The following NAALADL2 variants were observed in gnomAD, a reference collection of about 807,000 sequenced individuals.
The protein encoded by NAALADL2 is inactive N-acetylated-alpha-linked acidic dipeptidase-like protein 2.
NAALADL2 carries 76 observed loss-of-function variants against 87.2 expected under a neutral mutation model. The observed-to-expected ratio is 0.87, with a 90% CI of 0.72 to 1.05. The LOEUF is 1.05. Ranked by LOEUF, NAALADL2 falls within the 50% of genes least tolerant of loss-of-function variation. The pLI is 0.00. For synonymous variants in NAALADL2, 354 were observed against 331.0 expected (o/e 1.07, Z -0.75); for missense variants, 1,089 against 945.8 (o/e 1.15, Z -1.99).
intron 9 of NAALADL2, among the ~76,000 whole-genome samples, chr3:175,531,767 C>G (rs1734112898): frequency 6.6e-6 from 1 of 152,298 alleles, no homozygotes; most frequent in East Asian, 1.9e-4. Context: ...ACATCTGGTA[C>G]AACAGCTGCA....
chr3:175,449,394 C>CTTCTTTTTTTTTTT (rs1212551637), intron 6 of NAALADL2, among the ~76,000 whole-genome samples: 16 of 48,564 alleles, frequency 3.3e-4, no homozygotes, highest in East Asian at 1.7e-3. Context: ...TAATTTTCTT[C>CTTCTTTTTTTTTTT]TTTTTTTTTT....
At chr3:175,657,875 C>G (rs1274620417) in intron 11 of NAALADL2, among the ~76,000 whole-genome samples, 1 of 151,966 alleles carries the variant, frequency 6.6e-6, no homozygotes, top group Non-Finnish European at 1.5e-5. Flanking sequence ...CGTGCCTGGC[C>G]TCATTTTACT....
intron 3 of NAALADL2, among the ~76,000 whole-genome samples, chr3:174,816,448 CAGAG>C (rs1720826582): frequency 6.7e-6 from 1 of 149,016 alleles, no homozygotes; most frequent in Non-Finnish European, 1.5e-5. Context: ...GTATGAGAGA[CAGAG>C]GGAGAGACTA....
At chr3:175,258,168 C>T (rs1258082085) in intron 4 of NAALADL2, among the ~76,000 whole-genome samples, 2 of 151,700 alleles carry the variant, frequency 1.3e-5, no homozygotes, top group Non-Finnish European at 2.9e-5. Flanking sequence ...ATTAGCCAGG[C>T]GTGGTGGCGG....
chr3:174,695,253 T>A (rs1728915951), intron 2 of NAALADL2, among the ~76,000 whole-genome samples: 1 of 152,064 alleles, frequency 6.6e-6, no homozygotes, highest in Admixed American at 6.5e-5. Flanking sequence ...GTTAGAATTT[T>A]ATGTAATGAG....
chr3:175,612,754 C>A (rs1268248232), intron 10 of NAALADL2, among the ~76,000 whole-genome samples: 1 of 152,230 alleles, frequency 6.6e-6, no homozygotes, highest in East Asian at 1.9e-4. Flanking sequence ...ACTAAGACTG[C>A]ATTAAAGTTT....
chr3:175,084,537 G>A (rs1004752688), intron 1 of NAALADL2, among the ~76,000 whole-genome samples: 10 of 152,070 alleles, frequency 6.6e-5, no homozygotes, highest in African/African-American at 2.4e-4. Context: ...ATTACAGTCT[G>A]CATAAGACAC....
chr3:175,696,984 G>A (rs1273754051), intron 11 of NAALADL2, among the ~76,000 whole-genome samples: 17 of 152,112 alleles, frequency 1.1e-4, no homozygotes, highest in Admixed American at 6.6e-5. Context: ...ATGACCTAAT[G>A]ACTACTCAAA....
At chr3:174,514,250 A>G (rs1262940806) in intron 1 of NAALADL2, among the ~76,000 whole-genome samples, 1 of 152,092 alleles carries the variant, frequency 6.6e-6, no homozygotes, top group Non-Finnish European at 1.5e-5. Flanking sequence ...AAAATTGTGA[A>G]TGTGTATTGT....
chr3:174,519,326 C>CTTTTTTTTTTTT (rs557612913), intron 1 of NAALADL2, among the ~76,000 whole-genome samples: 22 of 128,904 alleles, frequency 1.7e-4, no homozygotes, highest in African/African-American at 5.8e-4. Flanking sequence ...TGAAGATTTC[C>CTTTTTTTTTTTT]TTTTTTTTTT....
intron 12 of NAALADL2, among the ~76,000 whole-genome samples, chr3:175,737,780 G>T (rs1395256041): frequency 7.8e-6 from 1 of 127,824 alleles, no homozygotes; most frequent in African/African-American, 3.1e-5. Context: ...AACAAGATTG[G>T]CCCAGAAGTT....
At chr3:175,004,356 G>C (rs1748703115) in intron 1 of NAALADL2, among the ~76,000 whole-genome samples, 1 of 136,190 alleles carries the variant, frequency 7.3e-6, no homozygotes, top group African/African-American at 2.8e-5. Context: ...TCCAGCCTGG[G>C]TGACAGAGTG....
chr3:175,718,674 G>A (rs549762259), intron 11 of NAALADL2: 75 of 1,557,408 alleles, frequency 4.8e-5, no homozygotes, highest in East Asian at 4.3e-4. Context: ...GCCATCTTGC[G>A]TTTTCTTGTA....
chr3:174,698,384 A>G (rs62286812), intron 2 of NAALADL2, among the ~76,000 whole-genome samples: 6,149 of 152,110 alleles, frequency 0.04, 183 homozygotes, highest in East Asian at 0.1. Flanking sequence ...CTAGGTAGAG[A>G]GACATTTCCT....
intron 9 of NAALADL2, among the ~76,000 whole-genome samples, chr3:175,475,068 T>C (rs1725495011): frequency 6.7e-6 from 1 of 148,906 alleles, no homozygotes; most frequent in African/African-American, 2.4e-5. Flanking sequence ...TATATATTTG[T>C]GTATTATATA....
At chr3:175,658,862 T>C (rs764227482) in intron 11 of NAALADL2, among the ~76,000 whole-genome samples, 77 of 152,266 alleles carry the variant, frequency 5.1e-4, no homozygotes, top group Non-Finnish European at 9.1e-4. Context: ...CCACAAATAA[T>C]TATTCTTAGT....
At chr3:175,475,236 C>T (rs1320812542) in intron 9 of NAALADL2, among the ~76,000 whole-genome samples, 1 of 151,890 alleles carries the variant, frequency 6.6e-6, no homozygotes, top group Admixed American at 6.6e-5. Flanking sequence ...ATTTTATTTC[C>T]ATTGACTCCT....
rs556365506 is a variant in NAALADL2 at position 175,207,187 on chromosome 3, C to T, written c.546-26744C>T. Among the ~76,000 whole-genome samples, 59 of 152,006 alleles carry T rather than the reference C, an allele frequency of 3.9e-4. 1 individual carries two copies. Among genetic ancestry groups the T allele is most frequent in the Admixed American group, 2.6e-3 (39 of 15,228 alleles). On this transcript the variant is annotated intron_variant, in intron 2 of 13. Transcript: ENST00000454872. ...ATAGATGAATAACAGAATTAGCTGA[C>T]CAAGTCAATTGTTGCAAGTATTTAA...
intron 12 of NAALADL2, among the ~76,000 whole-genome samples, chr3:175,737,713 A>AGT (rs1744680357): frequency 1.3e-5 from 1 of 75,498 alleles, no homozygotes; most frequent in African/African-American, 6.2e-5. Context: ...TCAATGATCC[A>AGT]GTTTTTTTTT....
Sources: allele counts gnomAD v4.1 joint callset (sites outside exome capture counted in the v4.1 genomes callset), GRCh38; gene constraint gnomAD v4.1.1; transcripts MANE v1.5; gene names NCBI Gene and HGNC (gene_info 2026-07-23, HGNC 2026-07-21).